Variants in KCNH5 observed in about 807,000 individuals in gnomAD.
KCNH5 encodes the protein voltage-gated delayed rectifier potassium channel KCNH5.
KCNH5 carries 46 observed loss-of-function variants against 96.1 expected under a neutral mutation model. The observed-to-expected ratio is 0.48, with a 90% CI of 0.38 to 0.61. KCNH5 has a LOEUF of 0.61. Among genes scored for constraint, KCNH5 ranks in the 20% least tolerant of loss-of-function variants. The pLI is 0.00. For synonymous variants in KCNH5, 439 were observed against 449.8 expected (o/e 0.98, Z 0.30); for missense variants, 907 against 1,225.8 (o/e 0.74, Z 3.88).
intron 8 of KCNH5, among the ~76,000 whole-genome samples, chr14:62,846,782 A>T (rs1391827440): frequency 2.6e-4 from 15 of 57,372 alleles, no homozygotes; most frequent in Admixed American, 1.0e-3. Context: ...GTATTATTGT[A>T]TTGTATCTTT....
At chr14:62,745,519 A>G (rs1885358006) in intron 10 of KCNH5, among the ~76,000 whole-genome samples, 1 of 152,216 alleles carries the variant, frequency 6.6e-6, no homozygotes, top group Non-Finnish European at 1.5e-5. Context: ...TCACAGAGCC[A>G]ATCACATATA....
intron 8 of KCNH5, among the ~76,000 whole-genome samples, chr14:62,817,705 T>G (rs1167621726): frequency 6.8e-6 from 1 of 147,148 alleles, no homozygotes; most frequent in Non-Finnish European, 1.5e-5. Flanking sequence ...TTCTATATAA[T>G]AATATATATT....
chr14:62,918,294 T>C (rs1200342541), intron 7 of KCNH5, among the ~76,000 whole-genome samples: 1 of 152,134 alleles, frequency 6.6e-6, no homozygotes, highest in Non-Finnish European at 1.5e-5. Flanking sequence ...TACAATGTAA[T>C]GTACAACATA....
intron 6 of KCNH5, among the ~76,000 whole-genome samples, chr14:62,953,926 A>T (rs1890052998): frequency 6.6e-6 from 1 of 152,102 alleles, no homozygotes; most frequent in Admixed American, 6.5e-5. Context: ...TCCCTCTCTA[A>T]TATAAACTCT....
At chr14:62,902,212 T>C (rs1888941302) in intron 7 of KCNH5, among the ~76,000 whole-genome samples, 1 of 113,984 alleles carries the variant, frequency 8.8e-6, no homozygotes, top group Non-Finnish European at 1.9e-5. Context: ...ACCTGTTTAG[T>C]TTCATTAGTT....
intron 7 of KCNH5, among the ~76,000 whole-genome samples, chr14:62,894,180 G>C (rs1279518932): frequency 2.0e-5 from 3 of 152,172 alleles, no homozygotes; most frequent in Non-Finnish European, 2.9e-5. Context: ...AAAATTATGA[G>C]AGACTCATTG....
At chr14:62,908,123 T>A (rs1889064988) in intron 7 of KCNH5, among the ~76,000 whole-genome samples, 1 of 152,206 alleles carries the variant, frequency 6.6e-6, no homozygotes, top group Non-Finnish European at 1.5e-5. Context: ...TCAGTTTGTA[T>A]AACAGTATAT....
At chr14:62,818,194 T>G (rs930936261) in intron 8 of KCNH5, among the ~76,000 whole-genome samples, 1 of 150,326 alleles carries the variant, frequency 6.7e-6, no homozygotes, top group Non-Finnish European at 1.5e-5. Flanking sequence ...AGAGACCTAA[T>G]GTGCACCTTG....
intron 3 of KCNH5, among the ~76,000 whole-genome samples, chr14:63,003,919 C>G (rs1891078760): frequency 6.6e-6 from 1 of 151,936 alleles, no homozygotes; most frequent in Admixed American, 6.6e-5. Flanking sequence ...CGCGCCCGGC[C>G]AGAAAGAGCT....
intron 10 of KCNH5, among the ~76,000 whole-genome samples, chr14:62,731,763 A>G (rs937102410): frequency 2.0e-5 from 3 of 152,198 alleles, no homozygotes; most frequent in African/African-American, 7.2e-5. Flanking sequence ...GAGGAAAATA[A>G]AATGATCTCA....
intron 7 of KCNH5, among the ~76,000 whole-genome samples, chr14:62,875,177 C>G (rs1210468994): frequency 2.0e-5 from 3 of 149,100 alleles, no homozygotes; most frequent in Non-Finnish European, 3.0e-5. Flanking sequence ...ATCCACTGCT[C>G]AAGGAAATAA....
chr14:62,817,965 G>A (rs181285193), intron 8 of KCNH5, among the ~76,000 whole-genome samples: 1,702 of 150,044 alleles, frequency 0.011, 15 homozygotes, highest in Non-Finnish European at 0.016. Flanking sequence ...TTGTGAAAAC[G>A]TAGAATGAAC....
chr14:62,805,636 G>A (rs754497305), intron 8 of KCNH5, among the ~76,000 whole-genome samples: 22 of 152,090 alleles, frequency 1.4e-4, no homozygotes, highest in Non-Finnish European at 2.8e-4. Flanking sequence ...TTCAAGACCT[G>A]GCCCACTGGT....
intron 7 of KCNH5, among the ~76,000 whole-genome samples, chr14:62,871,657 A>C (rs1888256886): frequency 6.6e-6 from 1 of 152,208 alleles, no homozygotes; most frequent in Non-Finnish European, 1.5e-5. Flanking sequence ...GAAAGCCCTA[A>C]GCATTAGGCA....
At chr14:62,734,501 G>C (rs1885116146) in intron 10 of KCNH5, among the ~76,000 whole-genome samples, 1 of 152,046 alleles carries the variant, frequency 6.6e-6, no homozygotes, top group African/African-American at 2.4e-5. Context: ...CTTTGACCAT[G>C]CTGTTTGACT....
At chr14:62,713,810 A>G (rs1884625569) in intron 10 of KCNH5, among the ~76,000 whole-genome samples, 2 of 152,348 alleles carry the variant, frequency 1.3e-5, no homozygotes, top group Admixed American at 6.5e-5. Context: ...CAAAAACACT[A>G]AATGTAATTA....
At chr14:62,771,750 C>T (rs1199996378) in intron 10 of KCNH5, among the ~76,000 whole-genome samples, 1 of 152,150 alleles carries the variant, frequency 6.6e-6, no homozygotes, top group Non-Finnish European at 1.5e-5. Flanking sequence ...TCATTTTTAT[C>T]AACATCCAAT....
intron 7 of KCNH5, among the ~76,000 whole-genome samples, chr14:62,880,990 A>G (rs1455690936): frequency 6.6e-6 from 1 of 152,232 alleles, no homozygotes; most frequent in Non-Finnish European, 1.5e-5. Context: ...GGAGAAAAGA[A>G]TGCTACAAAA....
intron 8 of KCNH5, among the ~76,000 whole-genome samples, chr14:62,833,337 A>C (rs1403419251): frequency 2.6e-5 from 4 of 152,014 alleles, no homozygotes; most frequent in African/African-American, 9.6e-5. Flanking sequence ...ATAGGGGTTT[A>C]AGTTCATTAT....
Sources: allele counts gnomAD v4.1 joint callset (sites outside exome capture counted in the v4.1 genomes callset), GRCh38; gene constraint gnomAD v4.1.1; transcripts MANE v1.5; gene names NCBI Gene and HGNC (gene_info 2026-07-23, HGNC 2026-07-21).